PID1: variants seen among roughly 807,000 people sequenced by gnomAD.
The protein encoded by PID1 is PTB-containing, cubilin and LRP1-interacting protein.
Under a neutral mutation model 19.1 loss-of-function variants are expected in PID1, and 10 were observed. The observed-to-expected ratio is 0.52, with a 90% CI of 0.32 to 0.89. The LOEUF (loss-of-function observed/expected upper bound fraction) is 0.89, where lower values mean the gene tolerates loss of function less well. Among genes scored for constraint, PID1 ranks in the 40% least tolerant of loss-of-function variants. The pLI is 0.03. For synonymous variants in PID1, 130 were observed against 116.0 expected, an observed-to-expected ratio of 1.12 and a Z score of -0.78; for missense variants, 248 against 285.3, an observed-to-expected ratio of 0.87 and a Z score of 0.94.
chr2:229,122,982 A>G (rs1230902236), intron 2 of PID1, among the ~76,000 whole-genome samples: 1 of 152,142 alleles, frequency 6.6e-6, no homozygotes, highest in East Asian at 1.9e-4. Context: ...AATCTACCTT[A>G]CTGTTTTTTG....
intron 1 of PID1, among the ~76,000 whole-genome samples, chr2:229,208,883 A>T (rs1040538109): frequency 1.3e-5 from 2 of 152,114 alleles, no homozygotes; most frequent in Non-Finnish European, 2.9e-5. Flanking sequence ...AGTTAATGAA[A>T]ATTAGAGAGG....
intron 1 of PID1, among the ~76,000 whole-genome samples, chr2:229,232,408 G>A (rs1299972101): frequency 8.6e-6 from 1 of 115,800 alleles, no homozygotes; most frequent in Non-Finnish European, 1.7e-5. Context: ...CTCTAGCCTG[G>A]GTGACAAAGC....
intron 1 of PID1, among the ~76,000 whole-genome samples, chr2:229,187,526 G>A (rs1045703152): frequency 6.6e-6 from 1 of 152,110 alleles, no homozygotes; most frequent in Non-Finnish European, 1.5e-5. Flanking sequence ...CAGATCATGT[G>A]AGACTTACTC....
intron 1 of PID1, among the ~76,000 whole-genome samples, chr2:229,173,927 T>C (rs1364823507): frequency 6.6e-6 from 1 of 152,152 alleles, no homozygotes; most frequent in Non-Finnish European, 1.5e-5. Flanking sequence ...GGTGGTTGTT[T>C]CCATTTCTGA....
At position 229,210,328 on chromosome 2, in the gene PID1, C is replaced by T. The variant is rs1355373131; in HGVS notation, c.31-54364G>A. On this transcript the variant is annotated intron_variant, in intron 1 of 2. Transcript: ENST00000392055. ...GAGATCGAGACCATCGTGGCTAACA[C>T]AGTGAAACCCCGTCTCTATTAAAAA... 4.0e-5 allele frequency among the ~76,000 whole-genome samples: 6 copies of T among 151,306 alleles called. No homozygotes were observed. The East Asian group carries it at 5.9e-4, about 15-fold the overall frequency.
At chr2:229,255,095 G>A (rs1381419698) in intron 1 of PID1, among the ~76,000 whole-genome samples, 1 of 152,146 alleles carries the variant, frequency 6.6e-6, no homozygotes, top group African/African-American at 2.4e-5. Flanking sequence ...CAAATGGAGA[G>A]CAATAGACAA....
At chr2:229,226,029 C>T (rs1422232426) in intron 1 of PID1, among the ~76,000 whole-genome samples, 1 of 152,198 alleles carries the variant, frequency 6.6e-6, no homozygotes, top group Non-Finnish European at 1.5e-5. Flanking sequence ...TTATGCTGGC[C>T]TTCAGTGCTT....
chr2:229,026,303 G>A (rs1693421645), intron 2 of PID1, among the ~76,000 whole-genome samples, 195 bp from the exon 3 acceptor site: 1 of 152,196 alleles, frequency 6.6e-6, no homozygotes, highest in Non-Finnish European at 1.5e-5. Context: ...CTTGGCAAAT[G>A]TATTGAAATT....
At chr2:229,260,472 A>ATATATG (rs1476866084) in intron 1 of PID1, among the ~76,000 whole-genome samples, 3 of 150,710 alleles carry the variant, frequency 2.0e-5, no homozygotes, top group Non-Finnish European at 4.4e-5. Context: ...GCATATATAT[A>ATATATG]TATATATGTA....
chr2:229,190,303 G>A, intron 1 of PID1, among the ~76,000 whole-genome samples: 1 of 152,130 alleles, frequency 6.6e-6, no homozygotes, highest in East Asian at 1.9e-4. Context: ...TCAAAACACT[G>A]GCAACTGTAT....
At chr2:229,210,052 G>A (rs1050331585) in intron 1 of PID1, among the ~76,000 whole-genome samples, 5 of 151,372 alleles carry the variant, frequency 3.3e-5, no homozygotes, top group African/African-American at 4.9e-5. Flanking sequence ...TATAAAGCCC[G>A]CTTCCCTAAA....
chr2:229,185,590 A>C (rs1331041152), intron 1 of PID1, among the ~76,000 whole-genome samples: 3 of 152,208 alleles, frequency 2.0e-5, no homozygotes, highest in Non-Finnish European at 4.4e-5. Flanking sequence ...GGCAGCAGGC[A>C]TTCATGTAAA....
At chr2:229,145,308 T>C (rs73998573) in intron 2 of PID1, among the ~76,000 whole-genome samples, 20,752 of 151,116 alleles carry the variant, frequency 0.14, 1,711 homozygotes, top group East Asian at 0.28. Flanking sequence ...GTTATACAAT[T>C]TCCACTGGAA....
chr2:229,049,712 T>G (rs1348046793), intron 2 of PID1, among the ~76,000 whole-genome samples: 1 of 152,192 alleles, frequency 6.6e-6, no homozygotes, highest in Non-Finnish European at 1.5e-5. Flanking sequence ...CTCTTTGCAC[T>G]CAGAAGACCA....
chr2:229,183,177 C>A (rs1424611674), intron 1 of PID1, among the ~76,000 whole-genome samples: 1 of 152,118 alleles, frequency 6.6e-6, no homozygotes, highest in Admixed American at 6.5e-5. Flanking sequence ...GGGAGTACAC[C>A]ATGTGAAGAT....
intron 1 of PID1, chr2:229,228,104 C>A (rs545694256): frequency 4.4e-6 from 2 of 453,986 alleles, no homozygotes; most frequent in African/African-American, 4.0e-5. Context: ...AAGGTCAACA[C>A]ACCAAATCCA....
At chr2:229,075,704 G>A (rs1380801729) in intron 2 of PID1, among the ~76,000 whole-genome samples, 2 of 152,182 alleles carry the variant, frequency 1.3e-5, no homozygotes, top group African/African-American at 4.8e-5. Context: ...TTTCTCTGAT[G>A]TTTTCCTCCA....
chr2:229,134,151 T>C (rs981580272), intron 2 of PID1, among the ~76,000 whole-genome samples: 2 of 151,716 alleles, frequency 1.3e-5, no homozygotes, highest in Admixed American at 6.6e-5. Flanking sequence ...TCCTTTATAC[T>C]AAAGGCCGAT....
chr2:229,124,869 T>C (rs901853185), intron 2 of PID1, among the ~76,000 whole-genome samples: 3 of 152,184 alleles, frequency 2.0e-5, no homozygotes, highest in African/African-American at 7.2e-5. Context: ...AAAAGAATCT[T>C]ATTCACTGTG....
Sources: gnomAD v4.1 joint callset for allele counts (sites outside exome capture counted in the v4.1 genomes callset) on GRCh38, gnomAD v4.1.1 for gene constraint, MANE v1.5 for transcripts, NCBI Gene and HGNC (gene_info 2026-07-23, HGNC 2026-07-21) for gene names.